FAM222A: variants seen among roughly 807,000 people sequenced by gnomAD.
FAM222A encodes the protein protein FAM222A.
FAM222A carries 7 observed loss-of-function variants against 25.8 expected under a neutral mutation model. The ratio of observed to expected loss-of-function variants is 0.27; its 90% CI spans 0.15 to 0.51. The LOEUF (loss-of-function observed/expected upper bound fraction) is 0.51. FAM222A is among the 20% of genes least tolerant of loss of function. The pLI is 0.97. For synonymous variants in FAM222A, 294 were observed against 298.8 expected (o/e 0.98, Z 0.17); for missense variants, 573 against 640.5 (o/e 0.89, Z 1.14).
At chr12:109,740,852 A>C (rs771635521) in intron 1 of FAM222A, among the ~76,000 whole-genome samples, 1 of 152,342 alleles carries the variant, frequency 6.6e-6, no homozygotes, top group Non-Finnish European at 1.5e-5. Context: ...GTGTGATTAG[A>C]GCAGAGATGG....
Position 109,766,331 on chromosome 12 carries a change from C to T in FAM222A, c.83-1681C>T, listed in dbSNP as rs11068183. On this transcript the variant is annotated intron_variant, in intron 2 of 2. Coordinates refer to ENST00000538780, the MANE Select transcript of FAM222A (RefSeq NM_032829.3). ...CTATGGATGGGGGCAGGAGTCTGCCCGCCATGGCCCTCCTTCCCCATGGCA... is the reference window on the plus strand; with the variant it reads ...CTATGGATGGGGGCAGGAGTCTGCCTGCCATGGCCCTCCTTCCCCATGGCA... 5.8e-3 allele frequency among the ~76,000 whole-genome samples: 881 copies of T among 152,352 alleles called. 33 individuals carry two copies. In the East Asian group the frequency reaches 0.1, roughly 18 times the overall value.
intron 1 of FAM222A, chr12:109,720,214 A>C: frequency 1.0e-6 from 1 of 983,628 alleles, no homozygotes; most frequent in Non-Finnish European, 1.2e-6. Flanking sequence ...GCTATTGTGC[A>C]GAGGGCACAG....
intron 2 of FAM222A, among the ~76,000 whole-genome samples, chr12:109,766,170 A>G (rs990680384): frequency 1.3e-5 from 2 of 152,188 alleles, no homozygotes; most frequent in African/African-American, 4.8e-5. Context: ...GTGGGAAAAC[A>G]GGCTCAGCTG....
chr12:109,744,292 C>G, intron 2 of FAM222A, 64 bp downstream of exon 2: 2 of 1,543,428 alleles, frequency 1.3e-6, no homozygotes, highest in Non-Finnish European at 8.7e-7. Flanking sequence ...CATTCACCCC[C>G]CAGGATGTCC....
chr12:109,721,090 C>T (rs1325981945), intron 1 of FAM222A, among the ~76,000 whole-genome samples: 9 of 152,202 alleles, frequency 5.9e-5, no homozygotes, highest in African/African-American at 2.2e-4. Flanking sequence ...ATTTTGTTCT[C>T]TCATTTAATC....
intron 1 of FAM222A, among the ~76,000 whole-genome samples, chr12:109,732,810 A>T (rs1887979049): frequency 6.6e-6 from 1 of 152,240 alleles, no homozygotes; most frequent in Non-Finnish European, 1.5e-5. Flanking sequence ...GAGGTAGATG[A>T]ACAAGGGCCT....
intron 2 of FAM222A, among the ~76,000 whole-genome samples, chr12:109,763,289 G>A (rs544058919): frequency 6.6e-6 from 1 of 152,230 alleles, no homozygotes; most frequent in South Asian, 2.1e-4. Context: ...TTCCTGCTCT[G>A]TACAGCGGGA....
chr12:109,717,990 C>G (rs1887675428), intron 1 of FAM222A, among the ~76,000 whole-genome samples: 1 of 152,186 alleles, frequency 6.6e-6, no homozygotes, highest in South Asian at 2.1e-4. Context: ...TACTCTCAGC[C>G]CGCCGCTTGC....
chr12:109,756,240 T>C (rs572975500), intron 2 of FAM222A, among the ~76,000 whole-genome samples: 3 of 152,214 alleles, frequency 2.0e-5, no homozygotes, highest in Non-Finnish European at 4.4e-5. Flanking sequence ...TGTGAATAAA[T>C]AGAGTTGATT....
chr12:109,735,971 C>T (rs1375940180), intron 1 of FAM222A: 1 of 152,296 alleles, frequency 6.6e-6, no homozygotes, highest in Non-Finnish European at 1.5e-5. Context: ...AACTGCCCTT[C>T]AGAGGTCCAT....
At chr12:109,754,417 G>A (rs1039577886) in intron 2 of FAM222A, among the ~76,000 whole-genome samples, 5 of 151,864 alleles carry the variant, frequency 3.3e-5, no homozygotes, top group South Asian at 2.1e-4. Flanking sequence ...CTTTAGCAAC[G>A]TAAGATCAAC....
Position 109,713,862 on chromosome 12 carries a change from G to T in FAM222A, c.-1082G>T, listed in dbSNP as rs1052186338. Among the ~76,000 whole-genome samples, 1 of 149,472 alleles carries T rather than the reference G, an allele frequency of 6.7e-6. No individual in the cohort carries two copies. Among genetic ancestry groups the T allele is most frequent in the African/African-American group, 2.4e-5 (1 of 41,090 alleles). ...GCGGAGCAGCGGGCAGGACTGCCTG[G>T]CCGGCTGCTCCGCGGAGAGGCTGCG... On this transcript the variant is annotated 5_prime_UTR_variant, in exon 1 of 3. Coordinates refer to ENST00000538780, the MANE Select transcript of FAM222A (RefSeq NM_032829.3).
At chr12:109,726,345 A>G (rs769779202) in intron 1 of FAM222A, among the ~76,000 whole-genome samples, 18 of 151,944 alleles carry the variant, frequency 1.2e-4, no homozygotes, top group Non-Finnish European at 1.5e-4. Flanking sequence ...TGGGGACATC[A>G]TGGTTTGGTT....
At chr12:109,721,823 A>C (rs1479798995) in intron 1 of FAM222A, among the ~76,000 whole-genome samples, 1 of 152,138 alleles carries the variant, frequency 6.6e-6, no homozygotes, top group African/African-American at 2.4e-5. Flanking sequence ...TCTTCCTGAG[A>C]GCTAGGTCCT....
chr12:109,747,445 CT>C (rs1249165292), intron 2 of FAM222A, among the ~76,000 whole-genome samples: 1 of 152,192 alleles, frequency 6.6e-6, no homozygotes, highest in Non-Finnish European at 1.5e-5. Flanking sequence ...TGTTCTCCCC[CT>C]CTACCCAAAT....
intron 1 of FAM222A, among the ~76,000 whole-genome samples, chr12:109,725,453 C>T: frequency 1.1e-5 from 1 of 94,240 alleles, no homozygotes; most frequent in East Asian, 2.7e-4. Context: ...TCCCCTAGGT[C>T]TGCACCCTGT....
rs140373815 is a variant in FAM222A at position 109,714,207 on chromosome 12, CGCCGCCGCCGCT to C, written c.-723_-712del. On this transcript the variant is annotated 5_prime_UTR_variant, in exon 1 of 3. Transcript: ENST00000538780. The surrounding 1 kb of genome is among the most constrained non-coding windows in gnomAD (Gnocchi z 4.2). ...CCGAGCTTGCGTCGCCCGCTGCCGC[CGCCGCCGCCGCT>C]GCCGCCGCCGCTGTTCGCCGGCTTC... 0.06 allele frequency: 12,461 copies of C among 207,042 alleles called. 495 individuals are homozygous for C. The highest frequency in any genetic ancestry group is 0.076 in the African/African-American group (3,086 of 40,866). 12.8% of individuals were successfully genotyped at this position (207,042 alleles called of 1,614,324 possible). A position where few individuals can be genotyped will look rare whatever the true frequency, so the allele number is the denominator to read the frequency against.
intron 2 of FAM222A, among the ~76,000 whole-genome samples, chr12:109,756,272 C>T (rs1006562523): frequency 4.6e-5 from 7 of 152,022 alleles, no homozygotes; most frequent in Non-Finnish European, 1.0e-4. Flanking sequence ...ATCTTGTATC[C>T]TGCAACCTTG....
chr12:109,749,015 T>C (rs1321752952), intron 2 of FAM222A, among the ~76,000 whole-genome samples: 2 of 152,214 alleles, frequency 1.3e-5, no homozygotes, highest in Non-Finnish European at 2.9e-5. Context: ...TTCATTATTA[T>C]TATTTTCTAG....
Sources: gnomAD v4.1 joint callset for allele counts (sites outside exome capture counted in the v4.1 genomes callset) on GRCh38, gnomAD v4.1.1 for gene constraint, Gnocchi (gnomAD v3.1) non-coding constraint, MANE v1.5 for transcripts, NCBI Gene and HGNC (gene_info 2026-07-23, HGNC 2026-07-21) for gene names.